Variants in EYS observed in about 807,000 individuals in gnomAD.
EYS encodes protein eyes shut homolog.
EYS carries 250 observed loss-of-function variants against 282.1 expected under a neutral mutation model. The observed-to-expected ratio is 0.89, with a 90% CI of 0.80 to 0.98. EYS has a LOEUF of 0.98. Ranked by LOEUF, EYS falls within the 50% of genes least tolerant of loss-of-function variation. The pLI is 0.00. For synonymous variants in EYS, 1,355 were observed against 1,282.9 expected (o/e 1.06, Z -1.20); for missense variants, 4,016 against 3,709.0 (o/e 1.08, Z -2.15).
intron 22 of EYS, among the ~76,000 whole-genome samples, chr6:64,628,677 C>A (rs1382169165): frequency 4.6e-5 from 7 of 152,124 alleles, no homozygotes. Flanking sequence ...ATATTCTTGG[C>A]AGAGTTATCT....
chr6:64,043,215 G>T (rs1215298081), intron 33 of EYS, among the ~76,000 whole-genome samples: 1 of 152,152 alleles, frequency 6.6e-6, no homozygotes. Context: ...ATAAAAGATT[G>T]AAAATATCTA....
chr6:65,074,050 T>C (rs1773976755), intron 12 of EYS, among the ~76,000 whole-genome samples: 1 of 151,982 alleles, frequency 6.6e-6, no homozygotes. Context: ...GTTATAAGAG[T>C]GCATTACCTT....
At chr6:65,115,739 G>C (rs187781296) in intron 12 of EYS, among the ~76,000 whole-genome samples, 3 of 151,910 alleles carry the variant, frequency 2.0e-5, no homozygotes, top group Admixed American at 1.3e-4. Flanking sequence ...TTATCCACCG[G>C]AGGCCATCCT....
chr6:65,577,894 T>A (rs1212324744), intron 2 of EYS, among the ~76,000 whole-genome samples: 1 of 151,764 alleles, frequency 6.6e-6, no homozygotes, highest in Non-Finnish European at 1.5e-5. Flanking sequence ...TCTCACCTCA[T>A]GCCTGTTAGA....
chr6:64,252,224 C>T (rs1370352864), intron 30 of EYS, among the ~76,000 whole-genome samples: 1 of 152,026 alleles, frequency 6.6e-6, no homozygotes, highest in African/African-American at 2.4e-5. Flanking sequence ...GAGCTCTCAC[C>T]CTCTGCACTC....
intron 26 of EYS, among the ~76,000 whole-genome samples, chr6:64,527,048 A>C (rs977354554): frequency 3.3e-5 from 5 of 151,800 alleles, no homozygotes; most frequent in Non-Finnish European, 5.9e-5. Context: ...TAAAGAAAAA[A>C]AATTCTTAAA....
chr6:65,634,471 A>T (rs1767021287), intron 2 of EYS, among the ~76,000 whole-genome samples: 1 of 152,028 alleles, frequency 6.6e-6, no homozygotes, highest in African/African-American at 2.4e-5. Context: ...ATCTACACCC[A>T]CTCCCTTAGC....
intron 28 of EYS, among the ~76,000 whole-genome samples, chr6:64,418,940 T>C (rs1774142053): frequency 1.3e-5 from 2 of 152,180 alleles, no homozygotes; most frequent in Non-Finnish European, 2.9e-5. Context: ...GTGGTTAATA[T>C]TCACCAGGTT....
At chr6:64,532,304 T>C (rs763889709) in intron 26 of EYS, among the ~76,000 whole-genome samples, 4 of 152,176 alleles carry the variant, frequency 2.6e-5, no homozygotes, top group South Asian at 2.1e-4. Context: ...CTCAAAATAC[T>C]TGAAAGCTGT....
At chr6:64,925,459 G>C (rs1374682255) in intron 15 of EYS, among the ~76,000 whole-genome samples, 3 of 152,110 alleles carry the variant, frequency 2.0e-5, no homozygotes, top group Admixed American at 1.3e-4. Flanking sequence ...TTGTGGTAGC[G>C]ATGTGCCTGG....
intron 41 of EYS, 91 bp downstream of exon 41, chr6:63,762,370 C>G: frequency 8.1e-7 from 1 of 1,228,996 alleles, no homozygotes; most frequent in African/African-American, 1.5e-5. Flanking sequence ...ATTATATGTA[C>G]TTTTTTACTT....
At chr6:64,538,103 A>C (rs1764584437) in intron 26 of EYS, among the ~76,000 whole-genome samples, 2 of 152,204 alleles carry the variant, frequency 1.3e-5, no homozygotes, top group African/African-American at 4.8e-5. Flanking sequence ...TGGCAGAAGA[A>C]TATTATCCAG....
At chr6:64,443,511 G>T (rs1775019509) in intron 26 of EYS, among the ~76,000 whole-genome samples, 1 of 152,140 alleles carries the variant, frequency 6.6e-6, no homozygotes, top group African/African-American at 2.4e-5. Context: ...GGTGTGAAAT[G>T]ATAAGATTTG....
At chr6:64,439,883 A>G (rs1460831950) in intron 26 of EYS, among the ~76,000 whole-genome samples, 2 of 151,872 alleles carry the variant, frequency 1.3e-5, no homozygotes, top group African/African-American at 2.4e-5. Flanking sequence ...AGACACTTTG[A>G]GCAAAATACT....
rs1769473015 is a variant in EYS at position 64,950,819 on chromosome 6, AT to A, written c.2260-4906del. 9.6e-5 allele frequency among the ~76,000 whole-genome samples: 11 copies of A among 114,526 alleles called. No individual in the cohort carries two copies. The South Asian group carries it at 3.0e-3, about 31-fold the overall frequency. 75.1% of individuals were successfully genotyped at this position (114,526 alleles called of 152,430 possible). ...TATACATATATATATATATATATAT[AT>A]ATATATATATATATTGTTGAATTGT... is the stretch of plus-strand genomic sequence containing the variant. On this transcript the variant is annotated intron_variant, in intron 14 of 42. Coordinates refer to ENST00000503581, the MANE Select transcript of EYS (RefSeq NM_001142800.2).
At chr6:64,554,510 C>A (rs1360212739) in intron 26 of EYS, among the ~76,000 whole-genome samples, 1 of 151,882 alleles carries the variant, frequency 6.6e-6, no homozygotes, top group Admixed American at 6.6e-5. Flanking sequence ...AAACAAAAGA[C>A]CTTGCATGGT....
At chr6:64,839,928 A>G (rs1376861709) in intron 19 of EYS, among the ~76,000 whole-genome samples, 2 of 152,072 alleles carry the variant, frequency 1.3e-5, no homozygotes, top group East Asian at 3.9e-4. Flanking sequence ...TAATATCACC[A>G]AAATGGAGAT....
intron 22 of EYS, among the ~76,000 whole-genome samples, chr6:64,645,763 AT>A (rs1001324690): frequency 4.6e-5 from 7 of 152,252 alleles, no homozygotes; most frequent in Non-Finnish European, 8.8e-5. Context: ...AATGCTAGTG[AT>A]TTTTTAATTC....
intron 31 of EYS, among the ~76,000 whole-genome samples, chr6:64,131,767 C>A (rs996895347): frequency 6.6e-6 from 1 of 152,160 alleles, no homozygotes; most frequent in African/African-American, 2.4e-5. Flanking sequence ...ATTCGATTTT[C>A]AGCCGGGAGA....
Sources: allele counts gnomAD v4.1 joint callset (sites outside exome capture counted in the v4.1 genomes callset), GRCh38; gene constraint gnomAD v4.1.1; transcripts MANE v1.5; gene names NCBI Gene and HGNC (gene_info 2026-07-23, HGNC 2026-07-21).